Variants in IAH1 observed in about 807,000 individuals in gnomAD.
The protein encoded by IAH1 is isoamyl acetate-hydrolyzing esterase 1 homolog.
IAH1 carries 24 observed loss-of-function variants against 26.7 expected under a neutral mutation model. The observed-to-expected ratio is 0.90, with a 90% CI of 0.65 to 1.26. The LOEUF (loss-of-function observed/expected upper bound fraction) is 1.26. Ranked by LOEUF, IAH1 falls within the 50% of genes most tolerant of loss-of-function variation. The pLI, the probability that IAH1 is intolerant of heterozygous loss-of-function variation, is 0.00. For synonymous variants in IAH1, 140 were observed against 118.5 expected (o/e 1.18, Z -1.18); for missense variants, 300 against 299.9 (o/e 1.00, Z 0.00).
the IAH1 span, among the ~76,000 whole-genome samples, chr2:9,506,193 C>A: frequency 2.6e-5 from 4 of 151,938 alleles, no homozygotes; most frequent in Non-Finnish European, 1.5e-5. Context: ...TTCACTTTCA[C>A]CCCAGACAAC....
chr2:9,485,536 C>G (rs985924821), intron 5 of IAH1: 5 of 152,418 alleles, frequency 3.3e-5, no homozygotes, highest in African/African-American at 4.8e-5. Flanking sequence ...CGCCTGTAAT[C>G]CCAGCTACCC....
chr2:9,484,691 G>A (rs747693189), intron 5 of IAH1, 141 bp downstream of exon 5: 2 of 606,202 alleles, frequency 3.3e-6, no homozygotes, highest in Non-Finnish European at 2.9e-6. Context: ...AACAGGCTTG[G>A]GGGAGGGGAG....
At chr2:9,499,950 A>G (rs1662902217), downstream of IAH1, among the ~76,000 whole-genome samples, 1 of 152,186 alleles carries the variant, frequency 6.6e-6, no homozygotes, top group African/African-American at 2.4e-5. Context: ...CCCTCATACA[A>G]TGCTGCTGAG....
Position 9,488,130 on chromosome 2 carries a change from A to T in IAH1, c.565-17A>T, listed in dbSNP as rs1397711344. ...GTGGCCAGTTACCCACCTTTAACCGATTTCTCTCCCTTCTAGGACTTCTCA... is the reference window on the plus strand; with the variant it reads ...GTGGCCAGTTACCCACCTTTAACCGTTTTCTCTCCCTTCTAGGACTTCTCA... On this transcript the variant is annotated splice_polypyrimidine_tract_variant and intron_variant, in intron 5 of 5. Coordinates refer to ENST00000497473, the MANE Select transcript of IAH1 (RefSeq NM_001039613.3). 6.4e-7 allele frequency: 1 copy of T among 1,569,708 alleles called. No individual in the cohort carries two copies. The highest frequency in any genetic ancestry group is 2.3e-5 in the East Asian group (1 of 43,246).
downstream of IAH1, chr2:9,490,613 T>G: frequency 1.6e-6 from 2 of 1,282,504 alleles, no homozygotes; most frequent in Non-Finnish European, 2.1e-6. Context: ...CCTCTTATTC[T>G]GTTGGCACTG....
At chr2:9,508,020 C>T in the IAH1 span, among the ~76,000 whole-genome samples, 1 of 152,164 alleles carries the variant, frequency 6.6e-6, no homozygotes, top group African/African-American at 2.4e-5. Context: ...CTGGCAAGTT[C>T]TTACAGGGCT....
At chr2:9,490,421 A>T, downstream of IAH1, 1 of 1,614,204 alleles carries the variant, frequency 6.2e-7, no homozygotes, top group South Asian at 1.1e-5. Context: ...CGAAGGGATC[A>T]CAGGGGCAGG....
the IAH1 span, among the ~76,000 whole-genome samples, chr2:9,511,450 T>C: frequency 6.9e-6 from 1 of 145,916 alleles, no homozygotes; most frequent in Non-Finnish European, 1.5e-5. Flanking sequence ...AACTCTATCT[T>C]AAAAAAAAAA....
At chr2:9,510,705 A>G in the IAH1 span, among the ~76,000 whole-genome samples, 2 of 149,306 alleles carry the variant, frequency 1.3e-5, no homozygotes, top group Non-Finnish European at 1.5e-5. Context: ...GGTGGTGCAC[A>G]CCTGTGGTCC....
chr2:9,509,932 C>G, the IAH1 span: 1 of 1,605,316 alleles, frequency 6.2e-7, no homozygotes, highest in Non-Finnish European at 8.5e-7. Context: ...GATCATTATA[C>G]ACAGCCTCTT....
At chr2:9,481,523 C>T in intron 4 of IAH1, 76 bp downstream of exon 4, 2 of 1,440,026 alleles carry the variant, frequency 1.4e-6, no homozygotes, top group Non-Finnish European at 9.6e-7. Flanking sequence ...ACAGTGGTTT[C>T]CTGCCTGGGG....
chr2:9,477,742 C>T (rs1660903372), intron 2 of IAH1, among the ~76,000 whole-genome samples: 1 of 151,568 alleles, frequency 6.6e-6, no homozygotes, highest in African/African-American at 2.4e-5. Context: ...AAAGTATTAA[C>T]CGGTTTAAGT....
In IAH1 at chr2:9,488,313, G is replaced by GA. The variant is rs763336833; in HGVS notation, c.732dup (p.Asp245ArgfsTer39). The GA allele has an allele frequency of 4.4e-6, 7 of 1,606,572 alleles. No homozygotes were observed. The African/African-American group carries it at 8.1e-5, about 18-fold the overall frequency. Reference sequence around the variant, plus strand: ...GCAAAACCTGAATTAAGTCTGCTGGGAGATGGAGACCATTAGCCAATCACA... The same window carrying GA: ...GCAAAACCTGAATTAAGTCTGCTGGGAAGATGGAGACCATTAGCCAATCACA... On this transcript the variant is annotated frameshift_variant, in exon 6 of 6. Transcript: ENST00000497473. LOFTEE classifies it high-confidence loss of function.
At chr2:9,501,560 A>G in the IAH1 span, among the ~76,000 whole-genome samples, 3 of 152,248 alleles carry the variant, frequency 2.0e-5, no homozygotes, top group African/African-American at 7.2e-5. Context: ...AACACAGCCA[A>G]TCATATAACT....
the IAH1 span, among the ~76,000 whole-genome samples, chr2:9,503,140 AAAAAAAAAAAAAGACAAGG>A: frequency 5.6e-4 from 85 of 150,654 alleles, no homozygotes; most frequent in South Asian, 0.014. Flanking sequence ...ACTCTCTCAA[AAAAAAAAAAAAAGACAAGG>A]AAAAAAAAAA....
intron 5 of IAH1, among the ~76,000 whole-genome samples, chr2:9,487,788 TTGTGTGTGTGTGTGTGTGTGTGTG>T (rs70948823): frequency 1.9e-3 from 248 of 134,032 alleles, no homozygotes; most frequent in Non-Finnish European, 2.6e-3. Context: ...CCCGGCCTTT[TTGTGTGTGTGTGTGTGTGTGTGTG>T]TGTGTGTGTG....
rs776393855 is a variant in IAH1 at position 9,481,499 on chromosome 2, G to C, written c.445+52G>C. 13 of 1,582,990 alleles carry C rather than the reference G, an allele frequency of 8.2e-6. No individual in the cohort carries two copies. In the Admixed American group the frequency reaches 1.7e-4, roughly 21 times the overall value. Reference sequence around the variant, plus strand: ...AAATCTGGATAGGAATGCTGAGGGAGGAACTCTGATAGGACAGTGGTTTCC... The same window carrying C: ...AAATCTGGATAGGAATGCTGAGGGACGAACTCTGATAGGACAGTGGTTTCC... On this transcript the variant is annotated intron_variant, in intron 4 of 5. Transcript: ENST00000497473.
chr2:9,501,871 A>G, the IAH1 span, among the ~76,000 whole-genome samples: 6 of 152,284 alleles, frequency 3.9e-5, no homozygotes. Context: ...AAAAACACAT[A>G]CATGCACAAA....
intron 1 of IAH1, chr2:9,475,711 G>C (rs1682449100): frequency 4.1e-6 from 2 of 488,188 alleles, no homozygotes; most frequent in Admixed American, 7.2e-5. Flanking sequence ...ATGTTGACCA[G>C]GCTGGTCTCG....
Sources: gnomAD v4.1 joint callset for allele counts (sites outside exome capture counted in the v4.1 genomes callset) on GRCh38, gnomAD v4.1.1 for gene constraint, MANE v1.5 for transcripts, NCBI Gene and HGNC (gene_info 2026-07-23, HGNC 2026-07-21) for gene names.